ANTXR1: variants seen among roughly 807,000 people sequenced by gnomAD.
ANTXR1 encodes anthrax toxin receptor 1.
A neutral mutation model predicts 78.1 loss-of-function variants in ANTXR1; 19 were observed. The ratio of observed to expected loss-of-function variants is 0.24; its 90% CI spans 0.17 to 0.36. The LOEUF (loss-of-function observed/expected upper bound fraction) is 0.36, where lower values mean the gene tolerates loss of function less well. Among genes scored for constraint, ANTXR1 ranks in the 10% least tolerant of loss-of-function variants. ANTXR1 has a pLI of 1.00. For synonymous variants in ANTXR1, 273 were observed against 260.5 expected (o/e 1.05, Z -0.46); for missense variants, 518 against 718.6 (o/e 0.72, Z 3.19).
intron 1 of ANTXR1, among the ~76,000 whole-genome samples, chr2:69,029,842 T>C (rs1356871059): frequency 1.3e-5 from 2 of 152,122 alleles, no homozygotes; most frequent in African/African-American, 4.8e-5. Context: ...GGAATGGCTC[T>C]AGAAAAGTTA....
chr2:69,162,127 T>C (rs1490563156), intron 13 of ANTXR1, among the ~76,000 whole-genome samples: 1 of 152,190 alleles, frequency 6.6e-6, no homozygotes, highest in African/African-American at 2.4e-5. Context: ...CTTAAATGCA[T>C]AGCCAGGCTC....
At chr2:69,050,679 C>T (rs1368869390) in intron 3 of ANTXR1, among the ~76,000 whole-genome samples, 1 of 152,096 alleles carries the variant, frequency 6.6e-6, no homozygotes, top group African/African-American at 2.4e-5. Flanking sequence ...TGTGTTATTG[C>T]TTTTATCGTG....
Position 69,199,362 on chromosome 2 carries a change from C to T in ANTXR1, c.1434+5947C>T, listed in dbSNP as rs114556098. On this transcript the variant is annotated intron_variant, in intron 17 of 17. Coordinates refer to ENST00000303714, the MANE Select transcript of ANTXR1 (RefSeq NM_032208.3). Reference sequence around the variant, plus strand: ...CAAACAAACTTCAGAGTACCTCTCACCCTGAGAGTCTGGGGTCCTAGGCAA... The same window carrying T: ...CAAACAAACTTCAGAGTACCTCTCATCCTGAGAGTCTGGGGTCCTAGGCAA... Among the ~76,000 whole-genome samples, 587 of 152,292 alleles carry T rather than the reference C, an allele frequency of 3.9e-3. 8 individuals are homozygous for T. Among genetic ancestry groups the T allele is most frequent in the African/African-American group, 0.014 (567 of 41,562 alleles).
intron 13 of ANTXR1, among the ~76,000 whole-genome samples, chr2:69,162,673 GAA>G (rs1282680503): frequency 6.6e-6 from 1 of 152,158 alleles, no homozygotes; most frequent in African/African-American, 2.4e-5. Flanking sequence ...AAAGACCAGA[GAA>G]AGGATGAGGA....
chr2:69,088,648 A>G (rs1008381661), intron 8 of ANTXR1, among the ~76,000 whole-genome samples: 2 of 152,180 alleles, frequency 1.3e-5, no homozygotes, highest in Non-Finnish European at 2.9e-5. Context: ...GCAAATGGAC[A>G]ATCTTCACAA....
intron 13 of ANTXR1, among the ~76,000 whole-genome samples, chr2:69,162,264 T>G (rs1673700950): frequency 6.6e-6 from 1 of 152,200 alleles, no homozygotes; most frequent in Non-Finnish European, 1.5e-5. Flanking sequence ...GATGTTTGGC[T>G]TAATAGCCTT....
intron 14 of ANTXR1, among the ~76,000 whole-genome samples, chr2:69,177,183 A>T (rs1674145352): frequency 6.6e-6 from 1 of 152,196 alleles, no homozygotes; most frequent in South Asian, 2.1e-4. Flanking sequence ...TTCTCTGGGG[A>T]ACCCGGGAGT....
rs780251923 is a variant in ANTXR1 at position 69,182,654 on chromosome 2, A to C, written c.1347A>C (p.Pro449=). Residue 449 remains proline, a synonymous_variant, in exon 16 of 18, where the codon CCA becomes CCC. Transcript: ENST00000303714. ...RPSSPRKWYS[P]IKGKLDALWV... is the part of the protein sequence containing the mutation. ...CTTCCCCCCGGAAGTGGTACTCTCC[A>C]ATCAAGGTGTGTCTCTTTACTCAAA... The C allele has an allele frequency of 1.9e-6, 3 of 1,614,182 alleles. No homozygotes were observed. Among genetic ancestry groups the C allele is most frequent in the South Asian group, 1.1e-5 (1 of 91,072 alleles).
chr2:69,238,983 T>G (rs1471620549), intron 17 of ANTXR1, among the ~76,000 whole-genome samples: 2 of 152,148 alleles, frequency 1.3e-5, no homozygotes, highest in Non-Finnish European at 2.9e-5. Flanking sequence ...CTGGCAAGTC[T>G]TTTGCACACA....
rs1246839589 is a variant in ANTXR1, at chr2:69,242,768, C to T, written c.1435-2457C>T. ...AAATTGTCGTCATGGGAATTCATCACAGATGGTAATCATTAGGGCCCTCAC... is the reference window on the plus strand; with the variant it reads ...AAATTGTCGTCATGGGAATTCATCATAGATGGTAATCATTAGGGCCCTCAC... On this transcript the variant is annotated intron_variant, in intron 17 of 17. Coordinates refer to ENST00000303714, the MANE Select transcript of ANTXR1 (RefSeq NM_032208.3). Among the ~76,000 whole-genome samples, 242 of 152,218 alleles carry T rather than the reference C, an allele frequency of 1.6e-3. 5 individuals are homozygous for T. The highest frequency in any genetic ancestry group is 2.5e-4 in the Non-Finnish European group (17 of 68,038).
chr2:69,193,276 C>T (rs1276115734), intron 16 of ANTXR1, 59 bp from the exon 17 acceptor site: 44 of 1,492,342 alleles, frequency 2.9e-5, no homozygotes, highest in African/African-American at 1.5e-4. Flanking sequence ...TGTGAGCCTA[C>T]GGCGGCTAGC....
chr2:69,130,219 G>T (rs942663107), intron 12 of ANTXR1, among the ~76,000 whole-genome samples: 3 of 152,120 alleles, frequency 2.0e-5, no homozygotes, highest in Non-Finnish European at 2.9e-5. Flanking sequence ...CTGGCTGCTG[G>T]GTTGGAAAGT....
At chr2:69,127,773 T>A (rs369471852) in intron 12 of ANTXR1, among the ~76,000 whole-genome samples, 4 of 151,994 alleles carry the variant, frequency 2.6e-5, no homozygotes, top group African/African-American at 9.6e-5. Flanking sequence ...GAGAGAAGAA[T>A]CAAGAATGTC....
At chr2:69,046,107 T>C (rs1669760622) in intron 3 of ANTXR1, among the ~76,000 whole-genome samples, 1 of 152,144 alleles carries the variant, frequency 6.6e-6, no homozygotes, top group African/African-American at 2.4e-5. Context: ...CCACCCCTTA[T>C]GCAGAGATGT....
chr2:69,083,034 T>C (rs999955685), intron 8 of ANTXR1, among the ~76,000 whole-genome samples: 2 of 152,234 alleles, frequency 1.3e-5, no homozygotes, highest in African/African-American at 4.8e-5. Flanking sequence ...CCATGGTATA[T>C]ATAAATTTAT....
At chr2:69,085,853 A>G (rs1191704014) in intron 8 of ANTXR1, among the ~76,000 whole-genome samples, 1 of 152,256 alleles carries the variant, frequency 6.6e-6, no homozygotes, top group African/African-American at 2.4e-5. Context: ...TTGGAGAGTG[A>G]CAGAGAGAGC....
Position 69,210,449 on chromosome 2 carries a change from C to T in ANTXR1, c.1434+17034C>T, listed in dbSNP as rs79367220. Among the ~76,000 whole-genome samples, 1,326 of 152,290 alleles carry T rather than the reference C, an allele frequency of 8.7e-3. 35 individuals carry two copies. The East Asian group carries it at 0.096, about 11-fold the overall frequency. On this transcript the variant is annotated intron_variant, in intron 17 of 17. Coordinates refer to ENST00000303714, the MANE Select transcript of ANTXR1 (RefSeq NM_032208.3). ...TGGGAATAACCAAAATGATTTTATT[C>T]TTTCACTCTCCTTTTGGCTGGCAGG...
At chr2:69,054,238 T>C (rs751323321) in intron 3 of ANTXR1, among the ~76,000 whole-genome samples, 7 of 152,114 alleles carry the variant, frequency 4.6e-5, no homozygotes, top group Non-Finnish European at 8.8e-5. Flanking sequence ...GAACCTGAAT[T>C]TGAACTCAAG....
rs376437874 is a variant in ANTXR1 at position 69,123,118 on chromosome 2, C to A, written c.872+32C>A. ...TTTCACCAGCAACTGAACCTCCCAG[C>A]CAGGGAAGAGAGAGAGGAGGTGTAC... On this transcript the variant is annotated intron_variant, in intron 11 of 17. Transcript: ENST00000303714. The A allele has an allele frequency of 1.6e-4, 251 of 1,607,700 alleles. 1 individual carries two copies. Among genetic ancestry groups the A allele is most frequent in the Non-Finnish European group, 1.9e-4 (227 of 1,174,422 alleles).
Sources: gnomAD v4.1 joint callset for allele counts (sites outside exome capture counted in the v4.1 genomes callset) on GRCh38, gnomAD v4.1.1 for gene constraint, MANE v1.5 for transcripts, NCBI Gene and HGNC (gene_info 2026-07-23, HGNC 2026-07-21) for gene names.